Variants in PMPCB observed in about 807,000 individuals in gnomAD.
PMPCB encodes the protein peptidase, mitochondrial processing subunit beta.
In PMPCB, 46 loss-of-function variants were observed where a neutral mutation model predicts 61.5. The ratio of observed to expected loss-of-function variants is 0.75; its 90% CI spans 0.59 to 0.96. The LOEUF is 0.96. Among genes scored for constraint, PMPCB ranks in the 40% least tolerant of loss-of-function variants. PMPCB has a pLI of 0.00. For missense variants in PMPCB, 590 were observed against 602.4 expected (o/e 0.98, Z 0.22); for synonymous variants, 191 against 201.6 (o/e 0.95, Z 0.44).
In PMPCB at chr7:103,303,918, C is replaced by T. The variant is rs759540040; in HGVS notation, c.534C>T (p.Ile178=). Reference sequence around the variant, plus strand: ...AGATTGAACGTGAGCGTGGAGTAATCCTTAGAGAGATGCAGGAAGTTGAAA... The same window carrying T: ...AGATTGAACGTGAGCGTGGAGTAATTCTTAGAGAGATGCAGGAAGTTGAAA... ...EAEIERERGV[I]LREMQEVETN... The change falls in exon 5 of 13, where the codon ATC becomes ATT. Residue 178 remains isoleucine (I), a synonymous_variant. Coordinates refer to ENST00000249269, the MANE Select transcript of PMPCB (RefSeq NM_004279.3). The T allele has an allele frequency of 1.9e-6, 3 of 1,613,556 alleles. No homozygotes were observed. The highest frequency in any genetic ancestry group is 2.5e-6 in the Non-Finnish European group (3 of 1,179,664).
intron 3 of PMPCB, among the ~76,000 whole-genome samples, chr7:103,299,869 A>G (rs1817401509): frequency 6.6e-6 from 1 of 152,178 alleles, no homozygotes; most frequent in Non-Finnish European, 1.5e-5. Flanking sequence ...CCTAGGCTCA[A>G]GCCATCCTCC....
intron 12 of PMPCB, chr7:103,322,880 T>A: frequency 1.9e-6 from 2 of 1,045,466 alleles, no homozygotes; most frequent in Non-Finnish European, 2.8e-6. Flanking sequence ...TATTTATATG[T>A]ACATAACATC....
At chr7:103,321,925 GAT>G in intron 12 of PMPCB, 1 of 1,612,500 alleles carries the variant, frequency 6.2e-7, no homozygotes, top group Non-Finnish European at 8.5e-7. Flanking sequence ...TGTTCAGTCT[GAT>G]ATACCTTGCA....
At chr7:103,319,057 C>T (rs1292032736), downstream of PMPCB, among the ~76,000 whole-genome samples, 1 of 152,034 alleles carries the variant, frequency 6.6e-6, no homozygotes, top group Non-Finnish European at 1.5e-5. Context: ...AGTAAAAATA[C>T]AAAAATCAGC....
At chr7:103,297,612 A>AGCGCACCTGAGAGTCGGCGCC (rs771968272) in intron 1 of PMPCB, 54 bp downstream of exon 1, 1 of 1,606,202 alleles carries the variant, frequency 6.2e-7, no homozygotes, top group South Asian at 1.1e-5. Context: ...GACCCGGCGC[A>AGCGCACCTGAGAGTCGGCGCC]GCGCACCTGA....
chr7:103,297,877 C>A, intron 1 of PMPCB: 1 of 1,418,524 alleles, frequency 7.0e-7, no homozygotes, highest in Non-Finnish European at 9.3e-7. Context: ...AAATGGGTAC[C>A]GCTCCAGAGT....
At chr7:103,316,414 C>A (rs568415985), downstream of PMPCB, 6 of 223,712 alleles carry the variant, frequency 2.7e-5, no homozygotes, top group South Asian at 8.2e-4. Context: ...TGAAAACAGC[C>A]TCGGTTTCAT....
At chr7:103,332,524 T>C (rs983818965), downstream of PMPCB, among the ~76,000 whole-genome samples, 1 of 152,234 alleles carries the variant, frequency 6.6e-6, no homozygotes, top group Non-Finnish European at 1.5e-5. Flanking sequence ...CATTAGAATT[T>C]TTAATTCTTT....
In PMPCB at chr7:103,323,573, C is replaced by T. The variant is rs1818539437; in HGVS notation, c.*1432-5358C>T. On this transcript the variant is annotated intron_variant and NMD_transcript_variant, in intron 12 of 12. Coordinates refer to the PMPCB transcript ENST00000444457. ...ACCAGAGAACCAAATAAATACCTTC[C>T]ATTATTAATGATTTGCATACATACC... 4.2e-6 allele frequency: 6 copies of T among 1,434,952 alleles called. No homozygotes were observed. The South Asian group carries it at 6.9e-5, about 17-fold the overall frequency. The allele number at this position is 1,434,952 out of a possible 1,614,324, so 88.9% of individuals were successfully genotyped here. A position where few individuals can be genotyped will look rare whatever the true frequency, so the allele number is the denominator to read the frequency against.
Position 103,297,789 on chromosome 7 carries a change from C to T in PMPCB, c.99+231C>T, listed in dbSNP as rs1037761653. 3.9e-6 allele frequency: 6 copies of T among 1,529,980 alleles called. No individual in the cohort carries two copies. In the East Asian group the frequency reaches 9.9e-5, roughly 25 times the overall value. The allele number at this position is 1,529,980 out of a possible 1,614,324, so 94.8% of individuals were successfully genotyped here. ...TGTGGGATGACCCTGGTTTTCGGCT[C>T]CTCCCGCCAGCTACTGAGGAGTGCA... On this transcript the variant is annotated intron_variant, in intron 1 of 12. Coordinates refer to ENST00000249269, the MANE Select transcript of PMPCB (RefSeq NM_004279.3).
In PMPCB at chr7:103,311,609, T is replaced by A. The variant is rs761285453; in HGVS notation, c.1155-34T>A. ...GTCATTAACTCATGAAATACAACAT[T>A]TTCCAACTACTACTGTTTTTCCACG... is the stretch of plus-strand genomic sequence containing the variant. On this transcript the variant is annotated intron_variant, in intron 9 of 12. Coordinates refer to ENST00000249269, the MANE Select transcript of PMPCB (RefSeq NM_004279.3). The A allele has an allele frequency of 2.0e-6, 3 of 1,523,488 alleles. No individual in the cohort carries two copies. The African/African-American group carries it at 4.1e-5, about 21-fold the overall frequency. The allele number at this position is 1,523,488 out of a possible 1,614,324, so 94.4% of individuals were successfully genotyped here. A position where few individuals can be genotyped will look rare whatever the true frequency, so the allele number is the denominator to read the frequency against.
downstream of PMPCB, chr7:103,316,736 G>A (rs1056368464): frequency 2.8e-6 from 3 of 1,067,388 alleles, no homozygotes; most frequent in South Asian, 3.1e-5. Flanking sequence ...ATCTCTGCAA[G>A]TTTCTGTGAT....
At chr7:103,341,803 C>G in the PMPCB span, 1 of 1,601,380 alleles carries the variant, frequency 6.2e-7, no homozygotes, top group Non-Finnish European at 8.5e-7. Flanking sequence ...GCATGGGAAA[C>G]TCTTCCAACT....
rs369909481 is a variant in PMPCB at position 103,300,325 on chromosome 7, A to G, written c.457+18A>G. On this transcript the variant is annotated intron_variant, in intron 4 of 12. Coordinates refer to ENST00000249269, the MANE Select transcript of PMPCB (RefSeq NM_004279.3). ...GCCAAGAGGTACTGTTATTATTTAT[A>G]CAGCAGATAATGTAATTTTCATGAG... 20 of 1,559,162 alleles carry G rather than the reference A, an allele frequency of 1.3e-5. No homozygotes were observed. The highest frequency in any genetic ancestry group is 1.7e-5 in the Non-Finnish European group (19 of 1,149,678).
Position 103,299,375 on chromosome 7 carries a change from G to A in PMPCB, c.241-68G>A. The A allele has an allele frequency of 9.9e-6, 9 of 907,550 alleles. No individual in the cohort carries two copies. In the South Asian group the frequency reaches 1.1e-4, roughly 11 times the overall value. The allele number at this position is 907,550 out of a possible 1,614,324, so 56.2% of individuals were successfully genotyped here. On this transcript the variant is annotated intron_variant, in intron 2 of 12. Coordinates refer to ENST00000249269, the MANE Select transcript of PMPCB (RefSeq NM_004279.3). ...AGAAAGCATTTGTCAGAAAAAGGAA[G>A]GAGACTGTTCCCCCCAACCTCAAAT...
At chr7:103,306,212 T>A (rs1817571370) in intron 6 of PMPCB, among the ~76,000 whole-genome samples, 1 of 152,154 alleles carries the variant, frequency 6.6e-6, no homozygotes, top group Non-Finnish European at 1.5e-5. Flanking sequence ...GTATCCTAGC[T>A]TCATTTATTA....
chr7:103,309,201 C>G, intron 8 of PMPCB, 106 bp downstream of exon 8: 1 of 791,780 alleles, frequency 1.3e-6, no homozygotes. Flanking sequence ...AGAATAGAGT[C>G]TTGTACTGTG....
At chr7:103,344,480 G>A in the PMPCB span, 4 of 1,530,578 alleles carry the variant, frequency 2.6e-6, no homozygotes, top group Admixed American at 1.7e-5. Context: ...AGGGTAGAGA[G>A]AGCCCAGGGT....
intron 1 of PMPCB, chr7:103,297,975 C>T: frequency 8.5e-7 from 1 of 1,177,460 alleles, no homozygotes; most frequent in Non-Finnish European, 1.1e-6. Context: ...TATGTATTTG[C>T]ATTTTTCTCA....
Sources: gnomAD v4.1 joint callset for allele counts (sites outside exome capture counted in the v4.1 genomes callset) on GRCh38, gnomAD v4.1.1 for gene constraint, MANE v1.5 for transcripts, NCBI Gene and HGNC (gene_info 2026-07-23, HGNC 2026-07-21) for gene names.